Variants in CFAP20DC observed in about 807,000 individuals in gnomAD.
The protein encoded by CFAP20DC is CFAP20 domain containing.
In CFAP20DC, 84 loss-of-function variants were observed where a neutral mutation model predicts 101.7. The ratio of observed to expected loss-of-function variants is 0.83; its 90% confidence interval spans 0.69 to 0.99. The LOEUF (loss-of-function observed/expected upper bound fraction) is 0.99, where lower values mean the gene tolerates loss of function less well. CFAP20DC is among the 50% of genes least tolerant of loss of function. The probability of loss-of-function intolerance (pLI) is 0.00; values close to 1 mark genes in which losing one functional copy is unlikely to be tolerated. For synonymous variants in CFAP20DC, 359 were observed against 351.2 expected (o/e 1.02, Z -0.25); for missense variants, 1,007 against 970.3 (o/e 1.04, Z -0.50).
chr3:59,026,811 G>T (rs2093901083), intron 4 of CFAP20DC, among the ~76,000 whole-genome samples: 1 of 152,122 alleles, frequency 6.6e-6, no homozygotes, highest in African/African-American at 2.4e-5. Context: ...CCGCTGTCTA[G>T]CTCACTAGTA....
At chr3:59,016,047 T>G (rs1265551353) in intron 4 of CFAP20DC, among the ~76,000 whole-genome samples, 1 of 152,088 alleles carries the variant, frequency 6.6e-6, no homozygotes. Flanking sequence ...GTTCTTAAAC[T>G]TCAAGTGTAT....
chr3:58,821,389 TA>T (rs2075633008), intron 14 of CFAP20DC, among the ~76,000 whole-genome samples: 1 of 152,108 alleles, frequency 6.6e-6, no homozygotes. Flanking sequence ...TTTTGCAACC[TA>T]CTCATCTGAC....
rs1474816367 is a variant in CFAP20DC, at chr3:59,024,821, A to C, written c.278+14736T>G. On this transcript the variant is annotated intron_variant, in intron 4 of 16. Coordinates refer to ENST00000482387, the MANE Select transcript of CFAP20DC (RefSeq NM_001394063.1). ...TACAAATGAAATACAGTGAAAGGGAAGAAGAACCAAACCAGAGGAGACATT... is the reference window on the plus strand; with the variant it reads ...TACAAATGAAATACAGTGAAAGGGACGAAGAACCAAACCAGAGGAGACATT... 2.0e-5 allele frequency among the ~76,000 whole-genome samples: 3 copies of C among 152,176 alleles called. No homozygotes were observed. The East Asian group carries it at 5.8e-4, about 29-fold the overall frequency.
intron 10 of CFAP20DC, among the ~76,000 whole-genome samples, 165 bp downstream of exon 10, chr3:58,867,652 A>C (rs1023732545): frequency 1.3e-5 from 2 of 152,176 alleles, no homozygotes; most frequent in Admixed American, 6.6e-5. Context: ...AGGGATCTAG[A>C]GCAATTCTTT....
rs1478091189 is a variant in CFAP20DC at position 58,732,626 on chromosome 3, G to T, written c.198-14998C>A. 1.3e-5 allele frequency among the ~76,000 whole-genome samples: 2 copies of T among 152,280 alleles called. No individual in the cohort carries two copies. The highest frequency in any genetic ancestry group is 2.1e-4 in the South Asian group (1 of 4,830). Reference sequence around the variant, plus strand: ...CCGAATGGTGCTAGAATTAGTAGGAGAATTAAGAGAGTAAGGAGAAAAACT... The same window carrying T: ...CCGAATGGTGCTAGAATTAGTAGGATAATTAAGAGAGTAAGGAGAAAAACT... On this transcript the variant is annotated intron_variant, in intron 3 of 3. Coordinates refer to the CFAP20DC transcript ENST00000486145. This position sits in a 1 kb window ranked among gnomAD's most constrained non-coding sequence, Gnocchi z 5.4.
At chr3:58,930,957 C>A (rs2086573824) in intron 5 of CFAP20DC, among the ~76,000 whole-genome samples, 1 of 152,158 alleles carries the variant, frequency 6.6e-6, no homozygotes, top group African/African-American at 2.4e-5. Context: ...CGAGCCGAAG[C>A]AGGGCGAGGC....
chr3:58,717,326 C>T (rs140712593), downstream of CFAP20DC: 10 of 215,836 alleles, frequency 4.6e-5, no homozygotes, highest in African/African-American at 7.0e-5. The surrounding 1 kb of genome is among the most constrained non-coding windows in gnomAD (Gnocchi z 4.1). Context: ...CCTGGTCTGC[C>T]GTCCACACTC....
intron 15 of CFAP20DC, among the ~76,000 whole-genome samples, chr3:58,767,998 A>G (rs920591389): frequency 4.6e-5 from 7 of 152,062 alleles, no homozygotes; most frequent in Non-Finnish European, 8.8e-5. Context: ...TCCTACCCTT[A>G]CCCCTTATGG....
rs1158050438 is a variant in CFAP20DC at position 58,899,509 on chromosome 3, T to TG, written c.550+14198dup. ...GGATCTCCCACCTTGCTGAGAATCC[T>TG]GGGGGTGGAGTATGCAAAACTCCTG... On this transcript the variant is annotated intron_variant, in intron 6 of 16. Transcript: ENST00000482387. The surrounding 1 kb of genome is among the most constrained non-coding windows in gnomAD (Gnocchi z 5.0). Among the ~76,000 whole-genome samples, 1 of 152,208 alleles carries TG rather than the reference T, an allele frequency of 6.6e-6. No individual in the cohort carries two copies. The highest frequency in any genetic ancestry group is 1.5e-5 in the Non-Finnish European group (1 of 68,026).
chr3:58,891,243 C>A (rs1217549547), intron 6 of CFAP20DC, among the ~76,000 whole-genome samples: 1 of 151,928 alleles, frequency 6.6e-6, no homozygotes, highest in Non-Finnish European at 1.5e-5. Context: ...GCCAACACAG[C>A]GAAACCCCGT....
At chr3:58,942,146 T>C (rs1189150477) in intron 4 of CFAP20DC, among the ~76,000 whole-genome samples, 1 of 152,248 alleles carries the variant, frequency 6.6e-6, no homozygotes, top group East Asian at 1.9e-4. Flanking sequence ...ACCTTTATTC[T>C]GTCTATATAT....
chr3:58,755,442 A>G (rs2068872869), intron 15 of CFAP20DC, among the ~76,000 whole-genome samples: 1 of 152,118 alleles, frequency 6.6e-6, no homozygotes, highest in South Asian at 2.1e-4. Flanking sequence ...TCATTACTCA[A>G]TAAGGGTGAT....
intron 13 of CFAP20DC, among the ~76,000 whole-genome samples, chr3:58,845,311 T>TA (rs1186926188): frequency 3.3e-5 from 5 of 151,652 alleles, no homozygotes; most frequent in Admixed American, 2.0e-4. Context: ...ATAGATGCAA[T>TA]AAAAAATGAT....
At chr3:58,735,406 T>C (rs188410670) in intron 3 of CFAP20DC, among the ~76,000 whole-genome samples, 2 of 152,348 alleles carry the variant, frequency 1.3e-5, no homozygotes, top group African/African-American at 2.4e-5. Flanking sequence ...CAGAACATTA[T>C]TGGATTGCCC....
intron 4 of CFAP20DC, among the ~76,000 whole-genome samples, chr3:58,954,121 G>C (rs1258724923): frequency 6.6e-6 from 1 of 152,116 alleles, no homozygotes; most frequent in Non-Finnish European, 1.5e-5. Flanking sequence ...CAAACCACTT[G>C]AAAGTAAAAT....
chr3:58,882,210 A>C lies in CFAP20DC; in HGVS notation c.715+2335T>G, dbSNP rs2081281117. On this transcript the variant is annotated intron_variant, in intron 7 of 16. Transcript: ENST00000482387. This position sits in a 1 kb window ranked among gnomAD's most constrained non-coding sequence, Gnocchi z 4.2. ...CTATGCATTGAGAGCCCTTTTATGG[A>C]AATTGCAAAATATATATTAATATCC... Among the ~76,000 whole-genome samples, 1 of 152,140 alleles carries C rather than the reference A, an allele frequency of 6.6e-6. No individual in the cohort carries two copies. Among genetic ancestry groups the C allele is most frequent in the South Asian group, 2.1e-4 (1 of 4,828 alleles).
At chr3:58,920,493 A>G (rs2085243836) in intron 5 of CFAP20DC, among the ~76,000 whole-genome samples, 1 of 152,194 alleles carries the variant, frequency 6.6e-6, no homozygotes, top group African/African-American at 2.4e-5. Flanking sequence ...AAGGCCCTTT[A>G]CCAAGTTCAA....
At chr3:58,951,165 A>T (rs1257182378) in intron 4 of CFAP20DC, among the ~76,000 whole-genome samples, 1 of 152,264 alleles carries the variant, frequency 6.6e-6, no homozygotes, top group Non-Finnish European at 1.5e-5. Context: ...AATGCTCATC[A>T]TCACTGGCCA....
chr3:58,759,600 G>A (rs1218849422), intron 15 of CFAP20DC, among the ~76,000 whole-genome samples: 4 of 152,278 alleles, frequency 2.6e-5, no homozygotes, highest in African/African-American at 9.6e-5. Context: ...TAGACATGAA[G>A]TCCTTGCCCA....
Sources: gnomAD v4.1 joint callset for allele counts (sites outside exome capture counted in the v4.1 genomes callset) on GRCh38, gnomAD v4.1.1 for gene constraint, Gnocchi (gnomAD v3.1) non-coding constraint, MANE v1.5 for transcripts, NCBI Gene and HGNC (gene_info 2026-07-23, HGNC 2026-07-21) for gene names.